The following UVRAG variants were observed in gnomAD, a reference collection of about 807,000 sequenced individuals.
The protein encoded by UVRAG is UV radiation resistance associated.
Under a neutral mutation model 78.0 loss-of-function variants are expected in UVRAG, and 19 were observed. That is an observed-to-expected ratio of 0.24 (90% CI 0.17 to 0.36). The LOEUF (loss-of-function observed/expected upper bound fraction) is 0.36. Among genes scored for constraint, UVRAG ranks in the 10% least tolerant of loss-of-function variants. The pLI is 1.00. For missense variants in UVRAG, 740 were observed against 853.8 expected (o/e 0.87, Z 1.66); for synonymous variants, 323 against 324.6 (o/e 1.00, Z 0.05).
chr11:75,895,878 T>G (rs1220669172), intron 5 of UVRAG, among the ~76,000 whole-genome samples: 6 of 152,174 alleles, frequency 3.9e-5, no homozygotes, highest in African/African-American at 1.4e-4. Flanking sequence ...GATTCATGAT[T>G]TTTTTTCCTG....
At chr11:75,842,771 T>G (rs1341895749) in intron 1 of UVRAG, among the ~76,000 whole-genome samples, 1 of 152,186 alleles carries the variant, frequency 6.6e-6, no homozygotes, top group Non-Finnish European at 1.5e-5. Flanking sequence ...TTGCCCCTTT[T>G]TCGTTGGTCT....
intron 12 of UVRAG, among the ~76,000 whole-genome samples, chr11:76,046,445 A>G (rs1212591361): frequency 6.6e-6 from 1 of 152,212 alleles, no homozygotes; most frequent in Non-Finnish European, 1.5e-5. Flanking sequence ...GGTTCTGGGA[A>G]TAAATTAGTG....
intron 1 of UVRAG, among the ~76,000 whole-genome samples, chr11:75,836,458 TC>T (rs1945777105): frequency 6.6e-6 from 1 of 152,210 alleles, no homozygotes; most frequent in African/African-American, 2.4e-5. Context: ...CACCATGTAT[TC>T]GCTTCCCAGA....
chr11:75,974,022 G>A (rs2135246387), intron 7 of UVRAG, among the ~76,000 whole-genome samples: 1 of 152,308 alleles, frequency 6.6e-6, no homozygotes, highest in Non-Finnish European at 1.5e-5. Context: ...ACATATGTGT[G>A]CATGTGTCTT....
intron 8 of UVRAG, among the ~76,000 whole-genome samples, chr11:75,995,762 C>G (rs1049595581): frequency 2.0e-5 from 3 of 151,976 alleles, no homozygotes; most frequent in Admixed American, 1.3e-4. Flanking sequence ...TGAAAAGTTA[C>G]TTCTCAGTTT....
At chr11:76,073,617 A>T (rs147576442) in intron 13 of UVRAG, among the ~76,000 whole-genome samples, 142 of 152,296 alleles carry the variant, frequency 9.3e-4, no homozygotes, top group African/African-American at 3.3e-3. Flanking sequence ...TCAATGAGCC[A>T]ATGTTTTCCA....
In UVRAG at chr11:76,141,034, G is replaced by A. The variant is rs752404371; in HGVS notation, c.1721G>A (p.Gly574Glu). 1.9e-6 allele frequency: 3 copies of A among 1,614,078 alleles called. No homozygotes were observed. The highest frequency in any genetic ancestry group is 4.5e-5 in the East Asian group (2 of 44,888). The stretch of plus-strand genomic sequence containing the variant: ...GAGGATCTAGTTGGCAGCTTAAACG[G>A]AGGCCACGCGAATGTGCACCCTAGC... Reference protein sequence around the residue: ...KGEDLVGSLNGGHANVHPSQE... With the variant: ...KGEDLVGSLNEGHANVHPSQE... Residue 574 changes from glycine (G) to glutamate (E), a missense_variant, in exon 15 of 15, where the codon GGA (glycine) becomes GAA (glutamate). By Grantham distance (98) the Gly-to-Glu change is moderately conservative (BLOSUM62 -2). Transcript: ENST00000356136.
rs1355784398 is a variant in UVRAG at position 76,020,708 on chromosome 11, G to T, written c.1226+3728G>T. 4.1e-5 allele frequency among the ~76,000 whole-genome samples: 6 copies of T among 144,748 alleles called. 1 individual carries two copies. Among genetic ancestry groups the T allele is most frequent in the Non-Finnish European group, 8.9e-5 (6 of 67,046 alleles). The allele number at this position is 144,748 out of a possible 152,430, so 95.0% of individuals were successfully genotyped here. On this transcript the variant is annotated intron_variant, in intron 12 of 14. Transcript: ENST00000356136. ...TGCGCTGCCTAAGGTTGGTGAAGGG[G>T]TGTCACAAGAACTTCCTTAGCCACC...
chr11:75,886,511 T>C (rs1947082658), intron 4 of UVRAG, among the ~76,000 whole-genome samples: 1 of 152,232 alleles, frequency 6.6e-6, no homozygotes, highest in Non-Finnish European at 1.5e-5. Flanking sequence ...TCAGGATCCT[T>C]CTAATCTTGA....
intron 9 of UVRAG, among the ~76,000 whole-genome samples, chr11:76,005,785 G>A (rs1457928688): frequency 1.3e-5 from 2 of 152,230 alleles, no homozygotes; most frequent in African/African-American, 2.4e-5. Context: ...ATTTGCTAGA[G>A]CAGCTCACAG....
At chr11:76,035,461 G>A (rs1264955595) in intron 12 of UVRAG, among the ~76,000 whole-genome samples, 1 of 152,070 alleles carries the variant, frequency 6.6e-6, no homozygotes, top group Non-Finnish European at 1.5e-5. Context: ...ATTTTAATTG[G>A]AAACTGCCCT....
intron 1 of UVRAG, among the ~76,000 whole-genome samples, chr11:75,842,841 A>G (rs1945946866): frequency 1.3e-5 from 2 of 152,224 alleles, no homozygotes; most frequent in Non-Finnish European, 2.9e-5. Flanking sequence ...GATTAAGCAA[A>G]TCAAACTCAA....
At chr11:75,898,399 G>A (rs796908388) in intron 5 of UVRAG, among the ~76,000 whole-genome samples, 6 of 152,270 alleles carry the variant, frequency 3.9e-5, no homozygotes, top group African/African-American at 1.2e-4. Context: ...TAGCTCTTGA[G>A]TTTATTGTAG....
At chr11:75,925,988 CTTT>C (rs1948093212) in intron 6 of UVRAG, among the ~76,000 whole-genome samples, 1 of 151,866 alleles carries the variant, frequency 6.6e-6, no homozygotes, top group African/African-American at 2.4e-5. Flanking sequence ...CCGTGACATT[CTTT>C]TCTCTTGTTG....
At chr11:76,036,612 TA>T (rs1263171265) in intron 12 of UVRAG, among the ~76,000 whole-genome samples, 2 of 151,872 alleles carry the variant, frequency 1.3e-5, no homozygotes, top group African/African-American at 4.8e-5. Flanking sequence ...TGGATGTGCA[TA>T]AAAGAAGTTA....
chr11:75,888,624 T>A (rs572913310), intron 4 of UVRAG, among the ~76,000 whole-genome samples: 1 of 152,296 alleles, frequency 6.6e-6, no homozygotes, highest in East Asian at 1.9e-4. Context: ...ATGTGATAGT[T>A]TTGCAAGGCC....
At chr11:75,893,437 C>G (rs961201862) in intron 5 of UVRAG, among the ~76,000 whole-genome samples, 4 of 151,584 alleles carry the variant, frequency 2.6e-5, no homozygotes, top group African/African-American at 9.7e-5. Flanking sequence ...CTTAGAGAAA[C>G]TGCAGAACTT....
intron 7 of UVRAG, among the ~76,000 whole-genome samples, chr11:75,978,126 G>A (rs12275614): frequency 4.2e-4 from 64 of 151,892 alleles, no homozygotes; most frequent in African/African-American, 1.5e-3. Context: ...CTTCACTTAT[G>A]AAGCTTAGTT....
At chr11:75,846,736 G>C (rs887067019) in intron 1 of UVRAG, among the ~76,000 whole-genome samples, 4 of 151,852 alleles carry the variant, frequency 2.6e-5, no homozygotes, top group African/African-American at 4.8e-5. Flanking sequence ...TCTCTATTCT[G>C]TTCTCGTCTG....
Sources: allele counts gnomAD v4.1 joint callset (sites outside exome capture counted in the v4.1 genomes callset), GRCh38; gene constraint gnomAD v4.1.1; transcripts MANE v1.5; gene names NCBI Gene and HGNC (gene_info 2026-07-23, HGNC 2026-07-21).